Variants in SGCD observed in about 807,000 individuals in gnomAD.
SGCD encodes the protein delta-sarcoglycan.
Under a neutral mutation model 36.6 loss-of-function variants are expected in SGCD, and 18 were observed. The observed-to-expected ratio is 0.49, with a 90% CI of 0.34 to 0.73. The LOEUF (loss-of-function observed/expected upper bound fraction) is 0.73, where lower values mean the gene tolerates loss of function less well. SGCD is among the 30% of genes least tolerant of loss of function. The probability of loss-of-function intolerance (pLI) is 0.01; values close to 1 mark genes in which losing one functional copy is unlikely to be tolerated. For missense variants in SGCD, 387 were observed against 346.7 expected (o/e 1.12, Z -0.92); for synonymous variants, 133 against 130.6 (o/e 1.02, Z -0.12).
intron 7 of SGCD, among the ~76,000 whole-genome samples, chr5:156,698,061 A>G (rs1447070349): frequency 1.3e-5 from 2 of 152,096 alleles, no homozygotes; most frequent in Non-Finnish European, 2.9e-5. Context: ...TTGCTATTAT[A>G]ATTGACCTAG....
intron 1 of SGCD, among the ~76,000 whole-genome samples, chr5:155,979,232 G>T (rs1269455196): frequency 5.9e-5 from 9 of 152,164 alleles, no homozygotes; most frequent in Non-Finnish European, 2.9e-5. Context: ...AATAACGAGT[G>T]CATTAGCCTT....
chr5:156,005,889 C>T (rs1019059795), intron 1 of SGCD, among the ~76,000 whole-genome samples: 1 of 152,134 alleles, frequency 6.6e-6, no homozygotes, highest in East Asian at 1.9e-4. Context: ...TTCAGTGATC[C>T]GATGGCACAA....
In SGCD at chr5:156,656,069, T is replaced by TA. The variant is rs373761299; in HGVS notation, c.575+8539dup. 3.9e-3 allele frequency among the ~76,000 whole-genome samples: 592 copies of TA among 152,128 alleles called. 3 individuals are homozygous for TA. The highest frequency in any genetic ancestry group is 0.014 in the African/African-American group (561 of 41,522). On this transcript the variant is annotated intron_variant, in intron 7 of 8. Coordinates refer to ENST00000337851, the MANE Select transcript of SGCD (RefSeq NM_000337.6). ...CTCAGGTACATGCCACGGCAAATGT[T>TA]AAAAAAGAGAGAAAGTTATATAGAC...
chr5:156,149,478 T>A (rs931201768), intron 3 of SGCD, among the ~76,000 whole-genome samples: 3 of 152,212 alleles, frequency 2.0e-5, no homozygotes, highest in African/African-American at 7.2e-5. Flanking sequence ...GTTTTCAGCT[T>A]ATCTCAGGAT....
At position 156,247,890 on chromosome 5, in the gene SGCD, G is replaced by GA. The variant is rs1265394510; in HGVS notation, c.-43-81638dup. 3.3e-5 allele frequency among the ~76,000 whole-genome samples: 5 copies of GA among 152,170 alleles called. No homozygotes were observed. The East Asian group carries it at 9.7e-4, about 29-fold the overall frequency. On this transcript the variant is annotated intron_variant, in intron 3 of 9. Coordinates refer to the SGCD transcript ENST00000517913. Reference sequence around the variant, plus strand: ...TTGGGGACCCAGCCCCTGCTTCGTGGAAAAAATGGATATTTAACAAATAGT... The same window carrying GA: ...TTGGGGACCCAGCCCCTGCTTCGTGGAAAAAAATGGATATTTAACAAATAGT...
At chr5:156,257,910 A>G (rs1466596100) in intron 3 of SGCD, among the ~76,000 whole-genome samples, 1 of 152,150 alleles carries the variant, frequency 6.6e-6, no homozygotes, top group East Asian at 1.9e-4. Flanking sequence ...TGAATCAGTC[A>G]TACGTTTTTA....
In SGCD at chr5:156,068,736, C is replaced by T. The variant is rs1244364794; in HGVS notation, c.-281-49142C>T. ...ATGGTTGAACTAGTTTACAGTCCCA[C>T]CAACAGTGTCAAAGTGTTCCTATTT... On this transcript the variant is annotated intron_variant, in intron 1 of 9. Transcript: ENST00000517913. Among the ~76,000 whole-genome samples, 176 of 151,720 alleles carry T rather than the reference C, an allele frequency of 1.2e-3. 1 individual carries two copies. The South Asian group carries it at 0.035, about 31-fold the overall frequency.
intron 4 of SGCD, among the ~76,000 whole-genome samples, chr5:156,562,128 G>C (rs1759289475): frequency 6.6e-6 from 1 of 152,192 alleles, no homozygotes; most frequent in African/African-American, 2.4e-5. Context: ...CCAAGATTCT[G>C]TACCTATGGA....
intron 3 of SGCD, among the ~76,000 whole-genome samples, chr5:156,503,625 T>G (rs924491868): frequency 6.6e-6 from 1 of 152,190 alleles, no homozygotes; most frequent in Non-Finnish European, 1.5e-5. Context: ...TGGAAACAGT[T>G]GAGTTCAAAT....
chr5:155,862,262 C>CT, the SGCD span, among the ~76,000 whole-genome samples: 5 of 152,138 alleles, frequency 3.3e-5, no homozygotes, highest in African/African-American at 1.2e-4. Flanking sequence ...TTTATAGATA[C>CT]TTTTCCTAAA....
chr5:156,270,304 G>A (rs1211084396), intron 3 of SGCD, among the ~76,000 whole-genome samples: 1 of 152,140 alleles, frequency 6.6e-6, no homozygotes, highest in Non-Finnish European at 1.5e-5. Flanking sequence ...GTAGCATGAT[G>A]CCTCCAGCTT....
chr5:156,649,113 C>T (rs375371210), intron 7 of SGCD, among the ~76,000 whole-genome samples: 1 of 152,162 alleles, frequency 6.6e-6, no homozygotes, highest in East Asian at 1.9e-4. Flanking sequence ...TGAAAAAGTG[C>T]TCATCATCAC....
intron 7 of SGCD, among the ~76,000 whole-genome samples, chr5:156,677,627 T>G (rs1484976662): frequency 6.6e-6 from 1 of 152,050 alleles, no homozygotes; most frequent in African/African-American, 2.4e-5. Flanking sequence ...ACATGGCACA[T>G]GTACACATAT....
At chr5:156,017,030 G>A (rs114676554) in intron 1 of SGCD, among the ~76,000 whole-genome samples, 122 of 152,106 alleles carry the variant, frequency 8.0e-4, no homozygotes, top group Non-Finnish European at 1.5e-3. Context: ...AACATACGAG[G>A]GTGCCTATTT....
intron 3 of SGCD, among the ~76,000 whole-genome samples, chr5:156,208,775 G>T (rs1764357762): frequency 6.6e-6 from 1 of 152,096 alleles, no homozygotes. Flanking sequence ...ACTCCTAGTT[G>T]GTCATCATCA....
rs184715493 is a variant in SGCD at position 156,440,679 on chromosome 5, G to A, written c.193-67922G>A. On this transcript the variant is annotated intron_variant, in intron 3 of 8. Coordinates refer to ENST00000337851, the MANE Select transcript of SGCD (RefSeq NM_000337.6). ...AGTGGGTGTGAAGTGGTACTTCATT[G>A]TGTTTTGATTTGCATTTCCCTATTG... Among the ~76,000 whole-genome samples the A allele has an allele frequency of 3.5e-4, 53 of 152,118 alleles. No individual in the cohort carries two copies. In the East Asian group the frequency reaches 8.9e-3, roughly 25 times the overall value.
chr5:156,478,236 A>G (rs115386244), intron 3 of SGCD, among the ~76,000 whole-genome samples: 3,122 of 152,274 alleles, frequency 0.021, 35 homozygotes, highest in Non-Finnish European at 0.032. Flanking sequence ...TAAGATTGAT[A>G]AGGGACCTAT....
chr5:156,284,800 A>G (rs1766550586), intron 3 of SGCD, among the ~76,000 whole-genome samples: 1 of 152,152 alleles, frequency 6.6e-6, no homozygotes, highest in Non-Finnish European at 1.5e-5. Context: ...CCTATTCAAC[A>G]TAGTGTTGGA....
intron 3 of SGCD, among the ~76,000 whole-genome samples, chr5:156,304,156 A>G (rs1400066338): frequency 6.6e-6 from 1 of 152,108 alleles, no homozygotes; most frequent in Non-Finnish European, 1.5e-5. Flanking sequence ...GAGATGGGTA[A>G]CTTCCCTCTG....
Sources: allele counts gnomAD v4.1 joint callset (sites outside exome capture counted in the v4.1 genomes callset), GRCh38; gene constraint gnomAD v4.1.1; transcripts MANE v1.5; gene names NCBI Gene and HGNC (gene_info 2026-07-23, HGNC 2026-07-21).